SYNE2: variants seen among roughly 807,000 people sequenced by gnomAD.
SYNE2 encodes the protein spectrin repeat containing nuclear envelope protein 2, also known as nesprin-2.
A neutral mutation model predicts 856.3 loss-of-function variants in SYNE2; 431 were observed. That is an observed-to-expected ratio of 0.50 (90% CI 0.47 to 0.55). SYNE2 has a LOEUF of 0.55. SYNE2 is among the 20% of genes least tolerant of loss of function. The pLI is 0.00. For synonymous variants in SYNE2, 2,923 were observed against 2,872.3 expected (o/e 1.02, Z -0.56); for missense variants, 8,129 against 8,023.2 (o/e 1.01, Z -0.50).
At chr14:64,132,183 CTG>C in intron 76 of SYNE2, 80 bp from the exon 77 acceptor site, 2 of 1,506,522 alleles carry the variant, frequency 1.3e-6, no homozygotes, top group South Asian at 1.2e-5. Flanking sequence ...ACAAAAATAA[CTG>C]GATATAAAGT....
chr14:63,763,050 C>T (rs987017808), intron 1 of SYNE2, among the ~76,000 whole-genome samples: 7 of 152,226 alleles, frequency 4.6e-5, no homozygotes, highest in Non-Finnish European at 7.3e-5. Context: ...TCACTGCAAC[C>T]TCTGCCTCCC....
chr14:64,063,189 C>T (rs2097330811), intron 50 of SYNE2, among the ~76,000 whole-genome samples: 1 of 152,110 alleles, frequency 6.6e-6, no homozygotes, highest in Non-Finnish European at 1.5e-5. Context: ...GCTGGGATTA[C>T]AGTGCCCGCC....
At chr14:64,150,245 G>A (rs1266684154) in intron 84 of SYNE2, among the ~76,000 whole-genome samples, 4 of 123,140 alleles carry the variant, frequency 3.2e-5, no homozygotes, top group African/African-American at 9.2e-5. Flanking sequence ...TCAGTGAGCC[G>A]AGATCATGCC....
chr14:63,805,728 G>A (rs1888338166), intron 1 of SYNE2, among the ~76,000 whole-genome samples: 1 of 152,078 alleles, frequency 6.6e-6, no homozygotes, highest in South Asian at 2.1e-4. Flanking sequence ...TATTTTGTAC[G>A]TGTGTGTGTG....
chr14:64,005,139 TA>T (rs781044470), intron 30 of SYNE2, among the ~76,000 whole-genome samples: 4 of 152,206 alleles, frequency 2.6e-5, no homozygotes, highest in Admixed American at 2.0e-4. Flanking sequence ...CAGGAACTTT[TA>T]GGCTGTTTGA....
chr14:63,900,209 C>G (rs542917713), intron 1 of SYNE2, among the ~76,000 whole-genome samples: 1 of 152,166 alleles, frequency 6.6e-6, no homozygotes, highest in Non-Finnish European at 1.5e-5. Flanking sequence ...ATTGCAAGCC[C>G]AGTGGCATCA....
intron 2 of SYNE2, among the ~76,000 whole-genome samples, chr14:63,931,549 C>CAAAA (rs564187169): frequency 2.3e-5 from 2 of 88,764 alleles, no homozygotes; most frequent in Non-Finnish European, 2.6e-5. Flanking sequence ...GACTCTGTCT[C>CAAAA]AAAAAAAAAA....
chr14:63,948,166 T>TACACACACACAC lies in SYNE2; in HGVS notation c.409-1638_409-1627dup, dbSNP rs59063086. Among the ~76,000 whole-genome samples, 261 of 147,358 alleles carry TACACACACACAC rather than the reference T, an allele frequency of 1.8e-3. 2 individuals are homozygous for TACACACACACAC. In the East Asian group the frequency reaches 0.034, roughly 19 times the overall value. On this transcript the variant is annotated intron_variant, in intron 6 of 115. Coordinates refer to ENST00000555002, the MANE Select transcript of SYNE2 (RefSeq NM_182914.3). ...GCACATACACACACAGACACACACA[T>TACACACACACAC]ACACACACACACACACACACACACA...
At chr14:63,899,590 C>G (rs1247158506) in intron 1 of SYNE2, among the ~76,000 whole-genome samples, 26 of 152,052 alleles carry the variant, frequency 1.7e-4, no homozygotes, top group Admixed American at 1.7e-3. Flanking sequence ...CAGCCTTGAC[C>G]TCCTGGGCTC....
chr14:63,809,141 G>T (rs1365837737), intron 1 of SYNE2, among the ~76,000 whole-genome samples: 1 of 151,950 alleles, frequency 6.6e-6, no homozygotes, highest in African/African-American at 2.4e-5. Context: ...GATGTGCCAC[G>T]ATCTGCTCCT....
chr14:63,909,173 A>G lies in SYNE2; in HGVS notation c.25A>G (p.Thr9Ala). The G allele has an allele frequency of 6.2e-7, 1 of 1,613,200 alleles. No individual in the cohort carries two copies. The highest frequency in any genetic ancestry group is 8.5e-7 in the Non-Finnish European group (1 of 1,179,472). The change falls in exon 2 of 116, where the codon ACC (threonine) becomes GCC (alanine). Residue 9 changes from threonine (T) to alanine (A), a missense_variant. Thr to Ala is a moderately conservative substitution (Grantham distance 58). Transcript: ENST00000555002. MASSPELP[T>A]EDEQGSWGID... ...AATGGCATCTAGTCCTGAGCTTCCC[A>G]CCGAAGATGAACAGGGTTCCTGGGG... is the stretch of plus-strand genomic sequence containing the variant.
chr14:64,161,610 G>A lies in SYNE2; in HGVS notation c.16095-462G>A, dbSNP rs76039831. 9.3e-3 allele frequency among the ~76,000 whole-genome samples: 1,413 copies of A among 151,974 alleles called. 21 individuals are homozygous for A. The highest frequency in any genetic ancestry group is 0.033 in the African/African-American group (1,350 of 41,462). On this transcript the variant is annotated intron_variant, in intron 87 of 115. Transcript: ENST00000555002. ...CCAAAGAGACATTCATAGGCGGGGCGCACCATGGCTCACACCTATAATCCC... is the reference window on the plus strand; with the variant it reads ...CCAAAGAGACATTCATAGGCGGGGCACACCATGGCTCACACCTATAATCCC...
rs893301958 is a variant in SYNE2, at chr14:64,082,255, G to A, written c.11484+675G>A. On this transcript the variant is annotated intron_variant, in intron 57 of 115. Coordinates refer to ENST00000555002, the MANE Select transcript of SYNE2 (RefSeq NM_182914.3). ...ATAGTCCCTTCATTGACTAGGTTAC[G>A]TTATATGATTAAGGTAATGGGGTAG... Among the ~76,000 whole-genome samples the A allele has an allele frequency of 3.9e-5, 6 of 152,164 alleles. No individual in the cohort carries two copies. In the East Asian group the frequency reaches 5.8e-4, roughly 15 times the overall value.
rs1424970796 is a variant in SYNE2, at chr14:64,150,013, T to C, written c.15640-2551T>C. Among the ~76,000 whole-genome samples the C allele has an allele frequency of 2.7e-4, 38 of 141,378 alleles. 1 individual carries two copies. Among genetic ancestry groups the C allele is most frequent in the African/African-American group, 8.1e-4 (31 of 38,244 alleles). The allele number at this position is 141,378 out of a possible 152,430, so 92.7% of individuals were successfully genotyped here. A position where few individuals can be genotyped will look rare whatever the true frequency, so the allele number is the denominator to read the frequency against. On this transcript the variant is annotated intron_variant, in intron 84 of 115. Coordinates refer to ENST00000555002, the MANE Select transcript of SYNE2 (RefSeq NM_182914.3). ...TGGCTTTTTTTTTTCTTTTCTTTTTTTTTTTTTTTTTTTTTTGATACAGGG... is the reference window on the plus strand; with the variant it reads ...TGGCTTTTTTTTTTCTTTTCTTTTTCTTTTTTTTTTTTTTTTGATACAGGG...
chr14:64,126,886 G>A, intron 73 of SYNE2, 79 bp downstream of exon 73: 1 of 1,400,224 alleles, frequency 7.1e-7, no homozygotes, highest in Non-Finnish European at 9.9e-7. Context: ...TCCTATTCCT[G>A]GTGACATTTG....
chr14:64,111,599 G>A (rs1371802260), intron 65 of SYNE2, among the ~76,000 whole-genome samples: 1 of 152,124 alleles, frequency 6.6e-6, no homozygotes, highest in Non-Finnish European at 1.5e-5. Flanking sequence ...AGGAGTTCAA[G>A]ACCAGCCTGG....
chr14:64,126,807 G>C lies in SYNE2; in HGVS notation c.13917G>C (p.Gln4639His). 1 of 1,610,256 alleles carries C rather than the reference G, an allele frequency of 6.2e-7. No homozygotes were observed. Among genetic ancestry groups the C allele is most frequent in the Non-Finnish European group, 8.5e-7 (1 of 1,180,000 alleles). ...KAGLDYNRSY[Q>H]NEIKRLYHQL... ...GCCTCGATTACAACCGCAGTTACCA[G>C]GTATGATTCCGAGCACACAGCCTAT... The change falls in exon 73 of 116, where the codon CAG becomes CAC. Residue 4639 changes from glutamine (Q) to histidine (H), a missense_variant and splice_region_variant. Transcript: ENST00000555002.
chr14:63,818,034 A>AC (rs1292059667), intron 1 of SYNE2, among the ~76,000 whole-genome samples: 9 of 148,962 alleles, frequency 6.0e-5, no homozygotes, highest in Middle Eastern at 3.4e-3. Flanking sequence ...CAAAAAAAAA[A>AC]AAAAAAAAAA....
chr14:63,950,281 A>G (rs2096129727), intron 7 of SYNE2, among the ~76,000 whole-genome samples: 1 of 152,146 alleles, frequency 6.6e-6, no homozygotes, highest in South Asian at 2.1e-4. Flanking sequence ...ATGCCAGGCA[A>G]GATGGCTCAC....
Sources: allele counts gnomAD v4.1 joint callset (sites outside exome capture counted in the v4.1 genomes callset), GRCh38; gene constraint gnomAD v4.1.1; transcripts MANE v1.5; gene names NCBI Gene and HGNC (gene_info 2026-07-23, HGNC 2026-07-21).